CA5A: variants seen among roughly 807,000 people sequenced by gnomAD.
CA5A encodes the protein carbonic anhydrase 5A, mitochondrial.
Under a neutral mutation model 37.1 loss-of-function variants are expected in CA5A, and 28 were observed. That is an observed-to-expected ratio of 0.75 (90% CI 0.56 to 1.03). The LOEUF is 1.03. Among genes scored for constraint, CA5A ranks in the 50% least tolerant of loss-of-function variants. CA5A has a pLI of 0.00. For synonymous variants in CA5A, 171 were observed against 158.4 expected, an observed-to-expected ratio of 1.08 and a Z score of -0.60; for missense variants, 444 against 399.9, an observed-to-expected ratio of 1.11 and a Z score of -0.94.
At chr16:87,896,561 G>C (rs1467582953) in intron 5 of CA5A, among the ~76,000 whole-genome samples, 1 of 152,226 alleles carries the variant, frequency 6.6e-6, no homozygotes, top group Non-Finnish European at 1.5e-5. Flanking sequence ...ATCTGAGCAC[G>C]GATGGCCCAG....
intron 1 of CA5A, among the ~76,000 whole-genome samples, chr16:87,933,089 G>A (rs184760666): frequency 2.6e-5 from 4 of 152,326 alleles, no homozygotes; most frequent in Admixed American, 6.5e-5. Context: ...GCCCAACCAC[G>A]GTCAGCCCGG....
chr16:87,929,044 C>T (rs1218007223), intron 1 of CA5A, among the ~76,000 whole-genome samples: 2 of 150,670 alleles, frequency 1.3e-5, no homozygotes, highest in African/African-American at 2.4e-5. Context: ...GCTGGGATTA[C>T]AGGCGTGAGC....
At chr16:87,888,594 C>G (rs191699476) in intron 6 of CA5A, among the ~76,000 whole-genome samples, 69 of 152,254 alleles carry the variant, frequency 4.5e-4, no homozygotes, top group African/African-American at 1.6e-3. Flanking sequence ...GCTAGCTACT[C>G]GAGAGGGCCA....
rs1357830462 is a variant in CA5A, at chr16:87,888,021, T to G, written c.*108A>C. On this transcript the variant is annotated 3_prime_UTR_variant, in exon 7 of 7. Transcript: ENST00000649794. ...TACTTCGACTAAAACAATAACCTCA[T>G]GCTCTCTTTTTAATTTCAGAAGTCA... The G allele has an allele frequency of 8.9e-6, 13 of 1,466,784 alleles. No individual in the cohort carries two copies. Among genetic ancestry groups the G allele is most frequent in the Non-Finnish European group, 1.1e-5 (12 of 1,095,538 alleles). 90.9% of individuals were successfully genotyped at this position (1,466,784 alleles called of 1,614,324 possible).
At position 87,926,727 on chromosome 16, in the gene CA5A, C is replaced by G. The variant is rs138646822; in HGVS notation, c.340+21G>C. On this transcript the variant is annotated intron_variant, in intron 2 of 6. Transcript: ENST00000649794. ...GAACAACGGGAGAGGACAAAGCCCT[C>G]GAGCCCCAGCTGGCACTCACCTGAT... 6 of 1,595,814 alleles carry G rather than the reference C, an allele frequency of 3.8e-6. No homozygotes were observed. The Admixed American group carries it at 8.4e-5, about 22-fold the overall frequency.
At chr16:87,907,393 G>A (rs2055979978) in intron 2 of CA5A, among the ~76,000 whole-genome samples, 1 of 152,200 alleles carries the variant, frequency 6.6e-6, no homozygotes, top group Admixed American at 6.5e-5. Context: ...AAAGTGCATT[G>A]ATGGGTGACT....
At chr16:87,901,866 C>T (rs780065663) in intron 5 of CA5A, 46 bp downstream of exon 5, 17 of 1,545,058 alleles carry the variant, frequency 1.1e-5, no homozygotes, top group Middle Eastern at 1.7e-4. Context: ...GGATTACAGG[C>T]GTGAGCCTCC....
At chr16:87,904,727 C>G (rs1265368281) in intron 3 of CA5A, 59 bp downstream of exon 3, 1 of 1,059,472 alleles carries the variant, frequency 9.4e-7, no homozygotes, top group African/African-American at 1.5e-5. Context: ...CACCCCCCAC[C>G]ATAGAGCCGG....
At chr16:87,931,951 C>A (rs2056412141) in intron 1 of CA5A, among the ~76,000 whole-genome samples, 1 of 137,114 alleles carries the variant, frequency 7.3e-6, no homozygotes, top group Middle Eastern at 3.6e-3. Context: ...TCCAAAGAGC[C>A]TCTCTGAGGC....
rs139856895 is a variant in CA5A, at chr16:87,901,778, G to C, written c.618+134C>G. ...AGTTTTGTATTTTTAGTGGAGACGGGGTTTCTCCATGTTGGTCAGGCTGGT... is the reference window on the plus strand; with the variant it reads ...AGTTTTGTATTTTTAGTGGAGACGGCGTTTCTCCATGTTGGTCAGGCTGGT... On this transcript the variant is annotated intron_variant, in intron 5 of 6. Transcript: ENST00000649794. The C allele has an allele frequency of 7.6e-3, 4,575 of 601,296 alleles. 183 individuals carry two copies. In the African/African-American group the frequency reaches 0.078, roughly 10 times the overall value. 37.2% of individuals were successfully genotyped at this position (601,296 alleles called of 1,614,324 possible). A position where few individuals can be genotyped will look rare whatever the true frequency, so the allele number is the denominator to read the frequency against.
At chr16:87,935,217 T>G (rs896911364) in intron 1 of CA5A, among the ~76,000 whole-genome samples, 2 of 152,156 alleles carry the variant, frequency 1.3e-5, no homozygotes, top group African/African-American at 4.8e-5. Flanking sequence ...GAAGAGAACT[T>G]GGCAGCTGCC....
chr16:87,924,000 G>A lies in CA5A; in HGVS notation c.340+2748C>T, dbSNP rs545086680. On this transcript the variant is annotated intron_variant, in intron 2 of 6. Coordinates refer to ENST00000649794, the MANE Select transcript of CA5A (RefSeq NM_001739.2). ...CACATTAAAACTGAAAAGCCAATCT[G>A]AGTTGCTTCTTGGGCATTTGAACTT... is the stretch of plus-strand genomic sequence containing the variant. The A allele has an allele frequency of 1.5e-4, 146 of 985,390 alleles. 1 individual carries two copies. The South Asian group carries it at 4.4e-3, about 29-fold the overall frequency. The allele number at this position is 985,390 out of a possible 1,614,324, so 61.0% of individuals were successfully genotyped here. A position where few individuals can be genotyped will look rare whatever the true frequency, so the allele number is the denominator to read the frequency against.
intron 4 of CA5A, chr16:87,882,027 A>C (rs912602638): frequency 6.6e-6 from 1 of 152,182 alleles, no homozygotes; most frequent in Non-Finnish European, 1.5e-5. Flanking sequence ...GGGCCGGTAG[A>C]ACTGGAGCCC....
At chr16:87,890,317 G>A (rs976113877) in intron 6 of CA5A, among the ~76,000 whole-genome samples, 21 of 152,040 alleles carry the variant, frequency 1.4e-4, no homozygotes, top group African/African-American at 5.1e-4. Flanking sequence ...TATGCTTGTT[G>A]AGTGGCATAA....
At chr16:87,886,655 C>A (rs1454595037), downstream of CA5A, 1 of 151,984 alleles carries the variant, frequency 6.6e-6, no homozygotes, top group Non-Finnish European at 1.5e-5. Context: ...AGTTCAGGAC[C>A]AACCTGGGCA....
chr16:87,934,820 C>T (rs984164538), intron 1 of CA5A, among the ~76,000 whole-genome samples: 8 of 151,762 alleles, frequency 5.3e-5, no homozygotes, highest in African/African-American at 1.5e-4. Flanking sequence ...ATTAGTTGGG[C>T]GTGGTGGCAC....
At chr16:87,922,037 CTTTTAT>C (rs1309673246) in intron 2 of CA5A, among the ~76,000 whole-genome samples, 2 of 151,908 alleles carry the variant, frequency 1.3e-5, no homozygotes, top group African/African-American at 2.4e-5. Context: ...CCAGCTAATT[CTTTTAT>C]TTTTATTTTT....
At chr16:87,924,644 C>T (rs955893512) in intron 2 of CA5A, among the ~76,000 whole-genome samples, 2 of 152,228 alleles carry the variant, frequency 1.3e-5, no homozygotes, top group Non-Finnish European at 2.9e-5. Context: ...CATGTCATGA[C>T]GAAGCTGGGA....
At position 87,901,899 on chromosome 16, in the gene CA5A, A is replaced by C; in HGVS notation, c.618+13T>G. On this transcript the variant is annotated intron_variant, in intron 5 of 6. Transcript: ENST00000649794. Reference sequence around the variant, plus strand: ...TCCGCGCCCGGCCTGCTGATTTCAAATATGCAGCTTACCTTATGTTTTATT... The same window carrying C: ...TCCGCGCCCGGCCTGCTGATTTCAACTATGCAGCTTACCTTATGTTTTATT... The C allele has an allele frequency of 6.2e-7, 1 of 1,611,218 alleles. No individual in the cohort carries two copies. The highest frequency in any genetic ancestry group is 8.5e-7 in the Non-Finnish European group (1 of 1,178,108).
Sources: allele counts gnomAD v4.1 joint callset (sites outside exome capture counted in the v4.1 genomes callset), GRCh38; gene constraint gnomAD v4.1.1; transcripts MANE v1.5; gene names NCBI Gene and HGNC (gene_info 2026-07-23, HGNC 2026-07-21).